The following NAALADL2 variants were observed in gnomAD, a reference collection of about 807,000 sequenced individuals.
NAALADL2 encodes the protein N-acetylated alpha-linked acidic dipeptidase like 2.
In NAALADL2, 76 loss-of-function variants were observed where a neutral mutation model predicts 87.2. That is an observed-to-expected ratio of 0.87 (90% CI 0.72 to 1.05). The LOEUF is 1.05. Among genes scored for constraint, NAALADL2 ranks in the 50% least tolerant of loss-of-function variants. The pLI is 0.00. For missense variants in NAALADL2, 1,089 were observed against 945.8 expected (o/e 1.15, Z -1.99); for synonymous variants, 354 against 331.0 (o/e 1.07, Z -0.75).
At chr3:174,577,423 T>C (rs928348241) in intron 2 of NAALADL2, among the ~76,000 whole-genome samples, 3 of 152,152 alleles carry the variant, frequency 2.0e-5, no homozygotes, top group Admixed American at 6.6e-5. Context: ...TGACCAGAAG[T>C]AGACAGAAAC....
At chr3:175,004,080 C>A (rs188276982) in intron 1 of NAALADL2, among the ~76,000 whole-genome samples, 36 of 152,016 alleles carry the variant, frequency 2.4e-4, no homozygotes, top group African/African-American at 8.7e-4. Context: ...ACCTTTTAAT[C>A]GAAACATAGC....
At chr3:175,189,416 GTAGCAT>G (rs1241432166) in intron 2 of NAALADL2, among the ~76,000 whole-genome samples, 5 of 152,034 alleles carry the variant, frequency 3.3e-5, no homozygotes, top group African/African-American at 1.2e-4. Context: ...ACACAAATCA[GTAGCAT>G]TCCCTACACA....
At chr3:175,673,921 A>G (rs1023403890) in intron 11 of NAALADL2, among the ~76,000 whole-genome samples, 1 of 152,084 alleles carries the variant, frequency 6.6e-6, no homozygotes, top group Non-Finnish European at 1.5e-5. Context: ...TTAATAAAAT[A>G]GTATTTACAT....
intron 5 of NAALADL2, among the ~76,000 whole-genome samples, chr3:175,421,717 T>C: frequency 6.6e-6 from 1 of 152,020 alleles, no homozygotes; most frequent in Non-Finnish European, 1.5e-5. Flanking sequence ...TAAATGCAAG[T>C]TAGGATCATG....
At position 175,636,710 on chromosome 3, in the gene NAALADL2, A is replaced by AG. The variant is rs1553937495; in HGVS notation, c.1896+9324_1896+9325insG. Reference sequence around the variant, plus strand: ...AAGACTCCATCTAAAAAAAAAAAAAAAAAAGAAAAAAAAAGAAAAAAGCTT... The same window carrying AG: ...AAGACTCCATCTAAAAAAAAAAAAAAGAAAAGAAAAAAAAAGAAAAAAGCTT... On this transcript the variant is annotated intron_variant, in intron 11 of 13. Coordinates refer to ENST00000454872, the MANE Select transcript of NAALADL2 (RefSeq NM_207015.3). Among the ~76,000 whole-genome samples, 287 of 150,630 alleles carry AG rather than the reference A, an allele frequency of 1.9e-3. 1 individual carries two copies. The highest frequency in any genetic ancestry group is 3.3e-3 in the Non-Finnish European group (224 of 67,636).
intron 11 of NAALADL2, among the ~76,000 whole-genome samples, chr3:175,730,522 G>A (rs1055095467): frequency 7.0e-6 from 1 of 142,816 alleles, no homozygotes. Context: ...CTGTTGCCTT[G>A]TTGCCTCATA....
chr3:174,797,287 C>CTTTTT (rs1718213937), intron 3 of NAALADL2, among the ~76,000 whole-genome samples: 1 of 96,884 alleles, frequency 1.0e-5, no homozygotes, highest in African/African-American at 4.5e-5. Context: ...GATCTTTTTT[C>CTTTTT]TTTTGTTTTT....
At chr3:175,143,816 C>T (rs1018218622) in intron 2 of NAALADL2, among the ~76,000 whole-genome samples, 18 of 152,004 alleles carry the variant, frequency 1.2e-4, no homozygotes, top group East Asian at 5.8e-4. Flanking sequence ...TACCTCCTTA[C>T]GCAATGACAT....
intron 2 of NAALADL2, among the ~76,000 whole-genome samples, chr3:175,171,830 TA>T (rs1734879761): frequency 6.6e-6 from 1 of 152,112 alleles, no homozygotes; most frequent in African/African-American, 2.4e-5. Context: ...CCCATGTTCT[TA>T]CTCATATGTG....
At chr3:175,751,364 A>AG (rs1553764582) in intron 12 of NAALADL2, among the ~76,000 whole-genome samples, 1 of 152,042 alleles carries the variant, frequency 6.6e-6, no homozygotes, top group African/African-American at 2.4e-5. Flanking sequence ...ATTGGGTTGG[A>AG]GGGGCACAGG....
chr3:175,385,342 C>A (rs1768248647), intron 5 of NAALADL2, among the ~76,000 whole-genome samples: 1 of 152,000 alleles, frequency 6.6e-6, no homozygotes, highest in Non-Finnish European at 1.5e-5. Flanking sequence ...TAATAGATTC[C>A]ATTGTGAAAT....
At chr3:175,200,886 G>C (rs924561561) in intron 2 of NAALADL2, among the ~76,000 whole-genome samples, 1 of 151,978 alleles carries the variant, frequency 6.6e-6, no homozygotes, top group Non-Finnish European at 1.5e-5. Context: ...TACTTATCAT[G>C]ACCTCTTCAA....
rs567061720 is a variant in NAALADL2, at chr3:175,030,949, C to A, written c.44-65841C>A. Among the ~76,000 whole-genome samples, 75 of 151,930 alleles carry A rather than the reference C, an allele frequency of 4.9e-4. 2 individuals carry two copies. Among genetic ancestry groups the A allele is most frequent in the Admixed American group, 4.5e-3 (68 of 15,202 alleles). On this transcript the variant is annotated intron_variant, in intron 1 of 13. Transcript: ENST00000454872. ...TAAAAAAATGTAAGGTTTGTGACAA[C>A]CCTGCACCCTGCAAGCCATATCAGT...
chr3:175,485,587 TG>T (rs1457591573), intron 9 of NAALADL2, among the ~76,000 whole-genome samples: 1 of 152,144 alleles, frequency 6.6e-6, no homozygotes, highest in Admixed American at 6.6e-5. Context: ...CCACAGAACC[TG>T]GAACCTGATG....
intron 3 of NAALADL2, among the ~76,000 whole-genome samples, chr3:174,779,263 T>C (rs4571248): frequency 0.8 from 121,190 of 151,976 alleles, 48,473 homozygotes; most frequent in Middle Eastern, 0.88. Context: ...GTTTGTTGGC[T>C]GCATAAATGT....
In NAALADL2 at chr3:174,469,230, G is replaced by A. The variant is rs191820261; in HGVS notation, c.-184+28198G>A. Among the ~76,000 whole-genome samples, 154 of 151,674 alleles carry A rather than the reference G, an allele frequency of 1.0e-3. No homozygotes were observed. In the Middle Eastern group the frequency reaches 0.01, roughly 10 times the overall value. ...TCTGGACATCATTTATTAGAAATGT[G>A]GTATGTAGAAGCAAACACCAGTCTC... On this transcript the variant is annotated intron_variant, in intron 1 of 3. Transcript: ENST00000434257.
At chr3:175,447,420 C>A in intron 6 of NAALADL2, 48 bp downstream of exon 6, 1 of 1,297,864 alleles carries the variant, frequency 7.7e-7, no homozygotes, top group Non-Finnish European at 1.0e-6. Context: ...TTTTTAAAGA[C>A]CATGATCATT....
chr3:175,353,470 A>G (rs765964514), intron 5 of NAALADL2, among the ~76,000 whole-genome samples: 5 of 152,232 alleles, frequency 3.3e-5, no homozygotes, highest in Non-Finnish European at 7.3e-5. Context: ...CATAGTTTCT[A>G]TATAAATAAT....
intron 11 of NAALADL2, among the ~76,000 whole-genome samples, chr3:175,731,336 T>C (rs1743713492): frequency 1.3e-5 from 2 of 152,184 alleles, no homozygotes; most frequent in Non-Finnish European, 2.9e-5. Context: ...TGATACCTAG[T>C]AGGTGCTCCA....
Sources: gnomAD v4.1 joint callset for allele counts (sites outside exome capture counted in the v4.1 genomes callset) on GRCh38, gnomAD v4.1.1 for gene constraint, MANE v1.5 for transcripts, NCBI Gene and HGNC (gene_info 2026-07-23, HGNC 2026-07-21) for gene names.